The following SLC35F3 variants were observed in gnomAD, a reference collection of about 807,000 sequenced individuals.
SLC35F3 encodes putative thiamine transporter SLC35F3.
SLC35F3 carries 25 observed loss-of-function variants against 49.9 expected under a neutral mutation model. The ratio of observed to expected loss-of-function variants is 0.50; its 90% CI spans 0.37 to 0.70. SLC35F3 has a LOEUF of 0.70. Among genes scored for constraint, SLC35F3 ranks in the 30% least tolerant of loss-of-function variants. SLC35F3 has a pLI of 0.00. For synonymous variants in SLC35F3, 275 were observed against 265.4 expected (o/e 1.04, Z -0.35); for missense variants, 525 against 639.8 (o/e 0.82, Z 1.94).
chr1:234,268,168 G>A (rs1330641238), intron 3 of SLC35F3, among the ~76,000 whole-genome samples: 2 of 152,192 alleles, frequency 1.3e-5, no homozygotes, highest in Non-Finnish European at 2.9e-5. Flanking sequence ...GGGCAACATT[G>A]AGCACTGAGT....
chr1:234,094,422 A>G (rs564823813), intron 2 of SLC35F3, among the ~76,000 whole-genome samples: 30 of 152,344 alleles, frequency 2.0e-4, no homozygotes, highest in African/African-American at 5.5e-4. Context: ...GCTCATGGCA[A>G]TTTCCCCAGC....
chr1:234,235,483 C>T (rs545257562), intron 3 of SLC35F3, among the ~76,000 whole-genome samples: 1 of 152,336 alleles, frequency 6.6e-6, no homozygotes, highest in East Asian at 1.9e-4. Flanking sequence ...TGTGTGATGA[C>T]ACACAGCCTC....
At chr1:234,045,190 C>T (rs995026056) in intron 2 of SLC35F3, among the ~76,000 whole-genome samples, 2 of 152,026 alleles carry the variant, frequency 1.3e-5, no homozygotes, top group African/African-American at 4.8e-5. Flanking sequence ...CAGACATAAC[C>T]CATGTACTAA....
chr1:234,072,171 A>G (rs1028038130), intron 2 of SLC35F3, among the ~76,000 whole-genome samples: 17 of 152,260 alleles, frequency 1.1e-4, no homozygotes, highest in Non-Finnish European at 2.1e-4. Flanking sequence ...CAATCCTAAC[A>G]GTGCTGGTTT....
chr1:233,905,814 C>G, intron 2 of SLC35F3, 56 bp downstream of exon 2: 1 of 1,495,098 alleles, frequency 6.7e-7, no homozygotes, highest in Non-Finnish European at 9.2e-7. Context: ...TTACCATTGT[C>G]ACAGCAGCCT....
chr1:234,192,904 A>G (rs187358513), intron 2 of SLC35F3, among the ~76,000 whole-genome samples: 1 of 152,300 alleles, frequency 6.6e-6, no homozygotes, highest in East Asian at 1.9e-4. Flanking sequence ...GGTGAAAGCC[A>G]TCTACAAGGA....
At chr1:234,121,189 T>C (rs932689175) in intron 2 of SLC35F3, among the ~76,000 whole-genome samples, 1 of 145,292 alleles carries the variant, frequency 6.9e-6, no homozygotes, top group Admixed American at 7.5e-5. Context: ...CAGGCTGGAC[T>C]GCAGTGGCGC....
Position 234,231,513 on chromosome 1 carries a change from G to C in SLC35F3, c.380G>C (p.Cys127Ser). 1 of 1,613,814 alleles carries C rather than the reference G, an allele frequency of 6.2e-7. No individual in the cohort carries two copies. Among genetic ancestry groups the C allele is most frequent in the South Asian group, 1.1e-5 (1 of 91,074 alleles). ...GGRASRRCWT[C>S]SRAQLKKIFW... Reference sequence around the variant, plus strand: ...AGAGCGAGTCGCCGCTGCTGGACGTGCTCCCGGGCGCAACTCAAGAAGATC... The same window carrying C: ...AGAGCGAGTCGCCGCTGCTGGACGTCCTCCCGGGCGCAACTCAAGAAGATC... Residue 127 changes from cysteine (C) to serine (S), a missense_variant, in exon 3 of 8, where the codon TGC becomes TCC. Transcript: ENST00000366618. This position sits in a 1 kb window ranked among gnomAD's most constrained non-coding sequence, Gnocchi z 5.4.
At chr1:233,926,335 T>G (rs368023839) in intron 2 of SLC35F3, among the ~76,000 whole-genome samples, 1 of 152,304 alleles carries the variant, frequency 6.6e-6, no homozygotes, top group South Asian at 2.1e-4. Context: ...TTCGTTTCTT[T>G]TTACTCTTTT....
chr1:234,117,777 T>C (rs1665510925), intron 2 of SLC35F3, among the ~76,000 whole-genome samples: 1 of 150,138 alleles, frequency 6.7e-6, no homozygotes, highest in African/African-American at 2.5e-5. Flanking sequence ...TCCCAGCTAC[T>C]CAGGAGGCTG....
intron 2 of SLC35F3, among the ~76,000 whole-genome samples, chr1:234,156,376 C>T (rs551532251): frequency 3.9e-5 from 6 of 152,090 alleles, no homozygotes; most frequent in Non-Finnish European, 7.4e-5. Flanking sequence ...ACTGTAACCC[C>T]GCAGTACCAC....
intron 3 of SLC35F3, among the ~76,000 whole-genome samples, chr1:234,277,290 G>A (rs998454359): frequency 6.6e-6 from 1 of 152,238 alleles, no homozygotes; most frequent in Non-Finnish European, 1.5e-5. Context: ...GCAGTGAAAT[G>A]AGTGAGGGAG....
intron 2 of SLC35F3, among the ~76,000 whole-genome samples, chr1:234,042,423 A>G (rs1043840053): frequency 6.6e-6 from 1 of 152,192 alleles, no homozygotes; most frequent in African/African-American, 2.4e-5. Flanking sequence ...CATGGTCTTT[A>G]GGATATAAAA....
intron 2 of SLC35F3, among the ~76,000 whole-genome samples, chr1:234,010,519 A>T (rs1663698507): frequency 6.6e-6 from 1 of 152,200 alleles, no homozygotes; most frequent in African/African-American, 2.4e-5. Context: ...ATGTAAATAG[A>T]TTAAAATCTC....
intron 2 of SLC35F3, among the ~76,000 whole-genome samples, chr1:234,073,582 A>G (rs897984238): frequency 2.0e-5 from 3 of 152,224 alleles, no homozygotes; most frequent in African/African-American, 7.2e-5. Context: ...ATCCATCAGG[A>G]TACCCGTCAC....
At chr1:234,163,052 C>T (rs1377802863) in intron 2 of SLC35F3, among the ~76,000 whole-genome samples, 1 of 152,246 alleles carries the variant, frequency 6.6e-6, no homozygotes, top group East Asian at 1.9e-4. Context: ...TCCATCACAG[C>T]TCCCACAGCT....
At chr1:234,187,166 T>G (rs1666654392) in intron 2 of SLC35F3, among the ~76,000 whole-genome samples, 1 of 152,170 alleles carries the variant, frequency 6.6e-6, no homozygotes, top group South Asian at 2.1e-4. Context: ...TACCAGCTGC[T>G]GCCTGCCAGC....
chr1:234,161,935 A>G (rs1249557647), intron 2 of SLC35F3, among the ~76,000 whole-genome samples: 2 of 151,996 alleles, frequency 1.3e-5, no homozygotes, highest in Admixed American at 6.5e-5. Flanking sequence ...CCACCCATTT[A>G]TGGCCTCAAA....
intron 2 of SLC35F3, among the ~76,000 whole-genome samples, chr1:233,939,704 C>T (rs1662390624): frequency 6.6e-6 from 1 of 152,130 alleles, no homozygotes; most frequent in Non-Finnish European, 1.5e-5. Flanking sequence ...AGTGCTGATC[C>T]CTGCTCCTGG....
Sources: allele counts gnomAD v4.1 joint callset (sites outside exome capture counted in the v4.1 genomes callset), GRCh38; gene constraint gnomAD v4.1.1; non-coding constraint Gnocchi (gnomAD v3.1); transcripts MANE v1.5; gene names NCBI Gene and HGNC (gene_info 2026-07-23, HGNC 2026-07-21).